The following THSD7B variants were observed in gnomAD, a reference collection of about 807,000 sequenced individuals.
The protein encoded by THSD7B is thrombospondin type 1 domain containing 7B.
Under a neutral mutation model 213.6 loss-of-function variants are expected in THSD7B, and 138 were observed. The observed-to-expected ratio is 0.65, with a 90% CI of 0.56 to 0.74. THSD7B has a LOEUF of 0.74. Among genes scored for constraint, THSD7B ranks in the 30% least tolerant of loss-of-function variants. THSD7B has a pLI of 0.00. For synonymous variants in THSD7B, 742 were observed against 687.0 expected (o/e 1.08, Z -1.25); for missense variants, 1,931 against 1,991.5 (o/e 0.97, Z 0.58).
intron 1 of THSD7B, among the ~76,000 whole-genome samples, chr2:136,835,290 GGAT>G (rs1558820978): frequency 6.6e-6 from 1 of 152,202 alleles, no homozygotes; most frequent in Non-Finnish European, 1.5e-5. Context: ...GTGAAAAGTA[GGAT>G]GATATTTGAG....
chr2:137,420,868 T>C (rs1479739539), intron 14 of THSD7B, among the ~76,000 whole-genome samples: 2 of 152,128 alleles, frequency 1.3e-5, no homozygotes, highest in African/African-American at 4.8e-5. Flanking sequence ...CAAGGTGTAG[T>C]CAGGGCCATG....
At position 137,358,899 on chromosome 2, in the gene THSD7B, T is replaced by C. The variant is rs1451362231; in HGVS notation, c.2501-46714T>C. On this transcript the variant is annotated intron_variant, in intron 12 of 27. Transcript: ENST00000409968. ...TAGTGTATATTAGCACCTTTGCTTG[T>C]GAATGTTTGTGTTTGTAGGCTCCCT... Among the ~76,000 whole-genome samples the C allele has an allele frequency of 3.3e-5, 5 of 152,228 alleles. No individual in the cohort carries two copies. The East Asian group carries it at 7.7e-4, about 23-fold the overall frequency.
At chr2:136,866,100 G>A (rs1683327666) in intron 1 of THSD7B, among the ~76,000 whole-genome samples, 1 of 152,292 alleles carries the variant, frequency 6.6e-6, no homozygotes, top group South Asian at 2.1e-4. Context: ...CCTATGGTGT[G>A]GGTGTGATTG....
chr2:137,257,029 T>A (rs1050542332), intron 10 of THSD7B, among the ~76,000 whole-genome samples: 7 of 152,152 alleles, frequency 4.6e-5, no homozygotes, highest in African/African-American at 1.7e-4. Context: ...GGGTTGATCA[T>A]GTGAACTTAG....
At chr2:136,904,897 T>C (rs557183846) in intron 2 of THSD7B, among the ~76,000 whole-genome samples, 2 of 152,378 alleles carry the variant, frequency 1.3e-5, no homozygotes, top group South Asian at 2.1e-4. Flanking sequence ...CTGAGAACTT[T>C]AGTGTCCTTT....
chr2:136,901,039 A>C (rs1391371132), intron 2 of THSD7B, among the ~76,000 whole-genome samples: 1 of 152,162 alleles, frequency 6.6e-6, no homozygotes, highest in South Asian at 2.1e-4. Context: ...TGTTTTACTC[A>C]GTGCTTGTGT....
At chr2:137,131,719 G>A (rs1688736019) in intron 5 of THSD7B, among the ~76,000 whole-genome samples, 1 of 152,154 alleles carries the variant, frequency 6.6e-6, no homozygotes, top group Non-Finnish European at 1.5e-5. Context: ...TGAGAGCTCT[G>A]TTCTGTTCCA....
intron 15 of THSD7B, among the ~76,000 whole-genome samples, chr2:137,489,461 C>T (rs937732118): frequency 1.3e-5 from 2 of 151,864 alleles, no homozygotes; most frequent in Admixed American, 6.6e-5. Flanking sequence ...TTAGCCTACC[C>T]AATCTCATAA....
chr2:137,416,737 T>C (rs1686807573), intron 14 of THSD7B, among the ~76,000 whole-genome samples: 1 of 152,216 alleles, frequency 6.6e-6, no homozygotes, highest in Non-Finnish European at 1.5e-5. Flanking sequence ...CAGCTGTGTA[T>C]AACAAAAGCA....
At chr2:136,886,903 A>G (rs1196364780) in intron 2 of THSD7B, among the ~76,000 whole-genome samples, 5 of 152,168 alleles carry the variant, frequency 3.3e-5, no homozygotes, top group African/African-American at 1.2e-4. Context: ...TGAATTCAGG[A>G]GAGAGGTTTC....
intron 12 of THSD7B, among the ~76,000 whole-genome samples, chr2:137,321,090 A>T (rs1182460265): frequency 6.6e-6 from 1 of 152,270 alleles, no homozygotes; most frequent in Non-Finnish European, 1.5e-5. Context: ...AGTTATATAA[A>T]GTCCTCACAA....
intron 2 of THSD7B, among the ~76,000 whole-genome samples, chr2:136,904,716 A>G (rs1380458769): frequency 6.6e-6 from 1 of 152,146 alleles, no homozygotes; most frequent in Non-Finnish European, 1.5e-5. Context: ...ATCCCAAGGA[A>G]CCTTCAATGA....
At chr2:137,227,771 T>C (rs1391252368) in intron 7 of THSD7B, among the ~76,000 whole-genome samples, 1 of 152,144 alleles carries the variant, frequency 6.6e-6, no homozygotes, top group Non-Finnish European at 1.5e-5. Flanking sequence ...TCTATGAAAC[T>C]GTTAATTGTC....
chr2:137,367,418 C>T (rs557960292), intron 12 of THSD7B, among the ~76,000 whole-genome samples: 1 of 152,198 alleles, frequency 6.6e-6, no homozygotes, highest in South Asian at 2.1e-4. Context: ...AGTGATGGCA[C>T]TTGTGTGAAA....
At chr2:136,916,382 C>T (rs958872319) in intron 2 of THSD7B, among the ~76,000 whole-genome samples, 1 of 152,126 alleles carries the variant, frequency 6.6e-6, no homozygotes, top group African/African-American at 2.4e-5. Flanking sequence ...TAATGGCATT[C>T]CTGGAGTGCC....
At chr2:137,575,366 C>G (rs2105238294) in intron 17 of THSD7B, among the ~76,000 whole-genome samples, 1 of 152,130 alleles carries the variant, frequency 6.6e-6, no homozygotes, top group South Asian at 2.1e-4. Context: ...GGAAAGATCC[C>G]TTCCCCTGCA....
chr2:136,868,287 A>G (rs1683378841), intron 1 of THSD7B, among the ~76,000 whole-genome samples: 1 of 152,218 alleles, frequency 6.6e-6, no homozygotes, highest in Admixed American at 6.5e-5. Context: ...TTTTCTTTCA[A>G]ATAACACTCC....
chr2:137,659,744 C>G lies in THSD7B; in HGVS notation c.4456C>G (p.Gln1486Glu). Residue 1486 changes from glutamine to glutamate, a missense_variant and splice_region_variant, in exon 25 of 28, where the codon CAG becomes GAG. By Grantham distance (29) the Gln-to-Glu change is conservative (BLOSUM62 2). Coordinates refer to ENST00000409968, the MANE Select transcript of THSD7B (RefSeq NM_001316349.2). ...CAGAAAACCTTTCTCCTACTGTACA[C>G]AGGTGAGTCATGTGCTGGAGTCTTC... ...ACRKPFSYCT[Q>E]GGVCGCEKGY... is the part of the protein sequence containing the mutation. 6.2e-7 allele frequency: 1 copy of G among 1,600,014 alleles called. No individual in the cohort carries two copies. The highest frequency in any genetic ancestry group is 8.5e-7 in the Non-Finnish European group (1 of 1,172,874).
At chr2:136,997,971 A>G (rs571010756) in intron 2 of THSD7B, among the ~76,000 whole-genome samples, 1 of 152,242 alleles carries the variant, frequency 6.6e-6, no homozygotes, top group South Asian at 2.1e-4. Context: ...AAGGGAAGGT[A>G]ACCTGGCCTA....
Sources: gnomAD v4.1 joint callset for allele counts (sites outside exome capture counted in the v4.1 genomes callset) on GRCh38, gnomAD v4.1.1 for gene constraint, MANE v1.5 for transcripts, NCBI Gene and HGNC (gene_info 2026-07-23, HGNC 2026-07-21) for gene names.